Variants in ZNF407 observed in about 807,000 individuals in gnomAD.
ZNF407 encodes the protein zinc finger protein 407.
Under a neutral mutation model 131.2 loss-of-function variants are expected in ZNF407, and 17 were observed. The observed-to-expected ratio is 0.13, with a 90% CI of 0.09 to 0.19. ZNF407 has a LOEUF of 0.19. Ranked by LOEUF, ZNF407 falls within the 10% of genes least tolerant of loss-of-function variation. The pLI, the probability that ZNF407 is intolerant of heterozygous loss-of-function variation, is 1.00. For synonymous variants in ZNF407, 1,156 were observed against 1,062.0 expected, an observed-to-expected ratio of 1.09 and a Z score of -1.72; for missense variants, 2,681 against 2,830.6, an observed-to-expected ratio of 0.95 and a Z score of 1.20.
intron 8 of ZNF407, among the ~76,000 whole-genome samples, chr18:75,035,279 C>G (rs986430291): frequency 6.6e-6 from 1 of 152,198 alleles, no homozygotes; most frequent in Non-Finnish European, 1.5e-5. Flanking sequence ...TCACCAAACA[C>G]AGGATTCGTC....
intron 8 of ZNF407, among the ~76,000 whole-genome samples, chr18:75,015,702 G>T (rs1471271862): frequency 6.6e-6 from 1 of 151,404 alleles, no homozygotes; most frequent in Non-Finnish European, 1.5e-5. Flanking sequence ...TGATATAACG[G>T]CACAGAATAT....
chr18:74,814,782 T>G (rs1469107101), intron 4 of ZNF407, among the ~76,000 whole-genome samples: 2 of 152,192 alleles, frequency 1.3e-5, no homozygotes, highest in Non-Finnish European at 2.9e-5. Flanking sequence ...AATTTGGTTT[T>G]ATTCTTGTGT....
At chr18:74,994,488 A>G (rs915469387) in intron 8 of ZNF407, among the ~76,000 whole-genome samples, 4 of 152,254 alleles carry the variant, frequency 2.6e-5, no homozygotes, top group Admixed American at 2.0e-4. Flanking sequence ...ATGAAAATGA[A>G]CATTTCCAGA....
chr18:74,811,194 C>T (rs926596171), intron 4 of ZNF407, among the ~76,000 whole-genome samples: 1 of 150,974 alleles, frequency 6.6e-6, no homozygotes, highest in Admixed American at 6.6e-5. Flanking sequence ...AACAAACAAC[C>T]CCATCAAAAA....
chr18:74,695,531 C>T (rs1967332231), intron 3 of ZNF407, among the ~76,000 whole-genome samples: 1 of 149,314 alleles, frequency 6.7e-6, no homozygotes, highest in African/African-American at 2.5e-5. Context: ...ACAGCCTTTT[C>T]CTGATTTAAA....
chr18:74,620,078 T>TA (rs1380189265), intron 1 of ZNF407, among the ~76,000 whole-genome samples: 1 of 152,136 alleles, frequency 6.6e-6, no homozygotes, highest in Non-Finnish European at 1.5e-5. Context: ...GCATTGGTTT[T>TA]AAAAATATTT....
chr18:74,622,531 A>G (rs1983560403), intron 1 of ZNF407, among the ~76,000 whole-genome samples: 1 of 152,166 alleles, frequency 6.6e-6, no homozygotes, highest in Admixed American at 6.5e-5. Flanking sequence ...GAGAAAGAAC[A>G]AAAGACCACT....
At chr18:74,830,032 G>C (rs1970461286) in intron 4 of ZNF407, among the ~76,000 whole-genome samples, 1 of 152,058 alleles carries the variant, frequency 6.6e-6, no homozygotes, top group Non-Finnish European at 1.5e-5. Flanking sequence ...TTACAAAGAG[G>C]AAGAGACCAT....
chr18:74,607,728 A>G (rs1032601364), intron 1 of ZNF407, among the ~76,000 whole-genome samples: 6 of 110,836 alleles, frequency 5.4e-5, no homozygotes, highest in Non-Finnish European at 1.2e-4. Flanking sequence ...TACTTAAATA[A>G]TCCCTTCTTA....
In ZNF407 at chr18:74,622,711, A is replaced by C. The variant is rs114166057; in HGVS notation, c.-53-8256A>C. The stretch of plus-strand genomic sequence containing the variant: ...CTGGATGGGAGAGGATGGGTTCTTT[A>C]TGGCATCACCATAGTGGTGTGTGTC... On this transcript the variant is annotated intron_variant, in intron 1 of 8. Transcript: ENST00000299687. Among the ~76,000 whole-genome samples, 1,123 of 149,114 alleles carry C rather than the reference A, an allele frequency of 7.5e-3. 17 individuals carry two copies. The highest frequency in any genetic ancestry group is 0.026 in the African/African-American group (1,071 of 40,446).
intron 7 of ZNF407, among the ~76,000 whole-genome samples, chr18:74,899,468 G>T (rs895091615): frequency 2.0e-5 from 3 of 152,106 alleles, no homozygotes; most frequent in Non-Finnish European, 4.4e-5. Flanking sequence ...AGTCAGGGAG[G>T]TCCTCTCTCC....
Position 74,633,594 on chromosome 18 carries a change from G to T in ZNF407, c.2575G>T (p.Ala859Ser). 1 of 1,613,998 alleles carries T rather than the reference G, an allele frequency of 6.2e-7. No individual in the cohort carries two copies. Among genetic ancestry groups the T allele is most frequent in the Non-Finnish European group, 8.5e-7 (1 of 1,179,900 alleles). ...SRTCSHCGLLASSITNLTVHI... is the reference protein window; with the variant it reads ...SRTCSHCGLLSSSITNLTVHI... ...GACGTGTTCACACTGTGGCCTTTTG[G>T]CCTCTAGTATTACAAACTTGACTGT... is the stretch of plus-strand genomic sequence containing the variant. The change falls in exon 2 of 9, where the codon GCC becomes TCC. Residue 859 changes from alanine (A) to serine (S), a missense_variant. Physicochemically the swap from Ala to Ser is moderately conservative, Grantham distance 99. Transcript: ENST00000299687.
intron 7 of ZNF407, among the ~76,000 whole-genome samples, chr18:74,906,294 G>A (rs953503848): frequency 6.6e-6 from 1 of 152,150 alleles, no homozygotes; most frequent in Non-Finnish European, 1.5e-5. Flanking sequence ...TGGTTTCCTA[G>A]AGATTACAGC....
intron 3 of ZNF407, among the ~76,000 whole-genome samples, chr18:74,780,406 A>G (rs1969575588): frequency 6.6e-6 from 1 of 152,218 alleles, no homozygotes; most frequent in South Asian, 2.1e-4. Context: ...AAACATGTCC[A>G]GATGAATTCA....
At chr18:74,914,541 C>T (rs778789624) in intron 7 of ZNF407, among the ~76,000 whole-genome samples, 59 of 152,238 alleles carry the variant, frequency 3.9e-4, no homozygotes, top group Non-Finnish European at 6.9e-4. Context: ...TGTTTATGTG[C>T]GCTTACCTTC....
chr18:74,934,731 G>A (rs1005492178), intron 8 of ZNF407, among the ~76,000 whole-genome samples: 10 of 152,164 alleles, frequency 6.6e-5, no homozygotes, highest in Non-Finnish European at 1.2e-4. Context: ...ACTTGAACCC[G>A]GGAGGTGGAG....
chr18:74,716,538 C>T (rs1172530392), intron 3 of ZNF407, among the ~76,000 whole-genome samples: 1 of 152,074 alleles, frequency 6.6e-6, no homozygotes, highest in East Asian at 1.9e-4. Flanking sequence ...AGGACAGCCT[C>T]AGCAGTCAAT....
intron 1 of ZNF407, among the ~76,000 whole-genome samples, chr18:74,603,658 T>A (rs566389848): frequency 1.3e-5 from 2 of 152,350 alleles, no homozygotes; most frequent in South Asian, 4.1e-4. Context: ...AAACAATAGA[T>A]TCATTCCACA....
At chr18:74,894,364 G>GAA (rs137998621) in intron 7 of ZNF407, among the ~76,000 whole-genome samples, 2 of 150,948 alleles carry the variant, frequency 1.3e-5, no homozygotes, top group South Asian at 2.1e-4. Flanking sequence ...GCATTAAAAT[G>GAA]AAAAAAAATA....
Sources: gnomAD v4.1 joint callset for allele counts (sites outside exome capture counted in the v4.1 genomes callset) on GRCh38, gnomAD v4.1.1 for gene constraint, MANE v1.5 for transcripts, NCBI Gene and HGNC (gene_info 2026-07-23, HGNC 2026-07-21) for gene names.